CCDC63: variants seen among roughly 807,000 people sequenced by gnomAD.
The protein encoded by CCDC63 is coiled-coil domain containing 63.
Under a neutral mutation model 63.6 loss-of-function variants are expected in CCDC63, and 54 were observed. That is an observed-to-expected ratio of 0.85 (90% CI 0.68 to 1.07). The LOEUF is 1.07. CCDC63 is among the 50% of genes least tolerant of loss of function. The pLI is 0.00. For missense variants in CCDC63, 637 were observed against 689.6 expected (o/e 0.92, Z 0.86); for synonymous variants, 253 against 266.1 (o/e 0.95, Z 0.48).
intron 2 of CCDC63, 86 bp from the exon 3 acceptor site, chr12:110,853,319 C>A: frequency 7.5e-7 from 1 of 1,337,058 alleles, no homozygotes; most frequent in East Asian, 2.4e-5. Context: ...CAGCCACCCC[C>A]ACTGCCCTTC....
At chr12:110,885,946 G>A (rs1281345395) in intron 8 of CCDC63, among the ~76,000 whole-genome samples, 3 of 152,194 alleles carry the variant, frequency 2.0e-5, no homozygotes, top group Non-Finnish European at 2.9e-5. Flanking sequence ...AGGGTAGTAA[G>A]TAATAATAAC....
intron 3 of CCDC63, among the ~76,000 whole-genome samples, chr12:110,856,926 G>C (rs1472092088): frequency 6.8e-6 from 1 of 146,546 alleles, no homozygotes; most frequent in African/African-American, 2.5e-5. Flanking sequence ...TCAGCTCACT[G>C]CAACCTCTGC....
chr12:110,884,253 C>G lies in CCDC63; in HGVS notation c.1074+3C>G, dbSNP rs767534589. The G allele has an allele frequency of 9.9e-6, 16 of 1,612,958 alleles. No homozygotes were observed. The highest frequency in any genetic ancestry group is 1.7e-6 in the Non-Finnish European group (2 of 1,179,224). ...ACAAGAGGACCCAACGAATCCAGGT[C>G]AGGGCGGCTCTGCTTTCCCAGGCCC... On this transcript the variant is annotated splice_donor_region_variant and intron_variant, in intron 8 of 11. Coordinates refer to ENST00000308208, the MANE Select transcript of CCDC63 (RefSeq NM_152591.3).
chr12:110,845,604 G>A (rs1310590094), upstream of CCDC63: 1 of 152,164 alleles, frequency 6.6e-6, no homozygotes, highest in Non-Finnish European at 1.5e-5. Flanking sequence ...TGCAGAAACA[G>A]TAATTCGTTT....
chr12:110,858,590 G>A lies in CCDC63; in HGVS notation c.184G>A (p.Glu62Lys). ...CATGGGCTGCTTTTCCAACAGCAAG[G>A]AGATCAAGACCCTGAAGACAGAGCA... is the stretch of plus-strand genomic sequence containing the variant. Reference protein sequence around the residue: ...NQQKIASQYKEIKTLKTEQDE... With the variant: ...NQQKIASQYKKIKTLKTEQDE... The change falls in exon 4 of 12, where the codon GAG becomes AAG. Residue 62 changes from glutamate (E) to lysine (K), a missense_variant. Glu to Lys is a moderately conservative substitution (Grantham distance 56). Coordinates refer to ENST00000308208, the MANE Select transcript of CCDC63 (RefSeq NM_152591.3). The A allele has an allele frequency of 6.2e-7, 1 of 1,608,298 alleles. No homozygotes were observed. The highest frequency in any genetic ancestry group is 8.5e-7 in the Non-Finnish European group (1 of 1,177,356).
chr12:110,892,747 T>C (rs2071372347), intron 8 of CCDC63, among the ~76,000 whole-genome samples: 1 of 151,444 alleles, frequency 6.6e-6, no homozygotes, highest in African/African-American at 2.4e-5. Flanking sequence ...ACCTGGGAGA[T>C]CTAGGAGGTT....
intron 1 of CCDC63, among the ~76,000 whole-genome samples, chr12:110,848,624 C>G (rs1324730791): frequency 1.3e-5 from 2 of 152,178 alleles, no homozygotes; most frequent in African/African-American, 4.8e-5. Flanking sequence ...TTGAAAATCC[C>G]ACTTCACAAA....
chr12:110,894,063 A>T (rs531349565), intron 9 of CCDC63, among the ~76,000 whole-genome samples: 7 of 151,706 alleles, frequency 4.6e-5, no homozygotes, highest in African/African-American at 1.7e-4. Flanking sequence ...TTATGATGTC[A>T]TCAGTGACCT....
chr12:110,857,666 T>C (rs2070791578), intron 3 of CCDC63, among the ~76,000 whole-genome samples: 1 of 152,272 alleles, frequency 6.6e-6, no homozygotes, highest in South Asian at 2.1e-4. Flanking sequence ...CCTTGTTCCA[T>C]TGTGCAGTCT....
chr12:110,867,757 C>T lies in CCDC63; in HGVS notation c.370-6085C>T, dbSNP rs1366114548. Among the ~76,000 whole-genome samples the T allele has an allele frequency of 5.1e-5, 7 of 138,566 alleles. No homozygotes were observed. The South Asian group carries it at 8.8e-4, about 18-fold the overall frequency. The allele number at this position is 138,566 out of a possible 152,430, so 90.9% of individuals were successfully genotyped here. Reference sequence around the variant, plus strand: ...GCGGCTGGCCAGGCGGGGGGCTGACCCCCCCATCTCCCTCCCGGACGGGGT... The same window carrying T: ...GCGGCTGGCCAGGCGGGGGGCTGACTCCCCCATCTCCCTCCCGGACGGGGT... On this transcript the variant is annotated intron_variant, in intron 4 of 11. Coordinates refer to ENST00000308208, the MANE Select transcript of CCDC63 (RefSeq NM_152591.3).
chr12:110,891,711 T>C (rs2071359753), intron 8 of CCDC63, among the ~76,000 whole-genome samples: 2 of 151,286 alleles, frequency 1.3e-5, no homozygotes, highest in Admixed American at 6.6e-5. Flanking sequence ...AGACATAGCT[T>C]CTCTGTGGAT....
At chr12:110,863,306 C>T (rs2070888374) in intron 4 of CCDC63, among the ~76,000 whole-genome samples, 1 of 151,746 alleles carries the variant, frequency 6.6e-6, no homozygotes, top group African/African-American at 2.4e-5. Context: ...AAGTCCAAAC[C>T]ACAGCTAGTA....
At chr12:110,879,330 A>G (rs2071169879) in intron 5 of CCDC63, among the ~76,000 whole-genome samples, 1 of 152,214 alleles carries the variant, frequency 6.6e-6, no homozygotes, top group South Asian at 2.1e-4. Context: ...CGTTGTCCCC[A>G]AAAGGAGACA....
intron 10 of CCDC63, 76 bp downstream of exon 10, chr12:110,899,201 T>TC: frequency 7.5e-7 from 1 of 1,326,686 alleles, no homozygotes. Context: ...AAGGCCTTGC[T>TC]CTTATGGAGT....
chr12:110,862,466 C>T (rs965159508), intron 4 of CCDC63, among the ~76,000 whole-genome samples: 7 of 152,202 alleles, frequency 4.6e-5, no homozygotes, highest in South Asian at 4.1e-4. Flanking sequence ...CTCCACCAGC[C>T]GTTGCCTTGG....
chr12:110,882,407 T>C (rs569387075), intron 7 of CCDC63, among the ~76,000 whole-genome samples: 44 of 151,894 alleles, frequency 2.9e-4, no homozygotes, highest in Non-Finnish European at 5.9e-4. Flanking sequence ...CCAGCTACTC[T>C]GGAGACTGAG....
chr12:110,857,929 A>T (rs1366783729), intron 3 of CCDC63, among the ~76,000 whole-genome samples: 1 of 152,062 alleles, frequency 6.6e-6, no homozygotes, highest in African/African-American at 2.4e-5. Context: ...CAACATGGCG[A>T]AACCCGTCTC....
intron 4 of CCDC63, among the ~76,000 whole-genome samples, chr12:110,860,377 G>GT (rs2070837677): frequency 6.6e-6 from 1 of 152,172 alleles, no homozygotes; most frequent in South Asian, 2.1e-4. Flanking sequence ...TTATTCTGGT[G>GT]TTTAACGGCT....
At chr12:110,883,061 G>A (rs371267447) in intron 7 of CCDC63, among the ~76,000 whole-genome samples, 2 of 147,716 alleles carry the variant, frequency 1.4e-5, no homozygotes, top group Non-Finnish European at 3.0e-5. Context: ...TTTTTAAGAC[G>A]GAGTCTTGCT....
Sources: gnomAD v4.1 joint callset for allele counts (sites outside exome capture counted in the v4.1 genomes callset) on GRCh38, gnomAD v4.1.1 for gene constraint, MANE v1.5 for transcripts, NCBI Gene and HGNC (gene_info 2026-07-23, HGNC 2026-07-21) for gene names.